ECE1: variants seen among roughly 807,000 people sequenced by gnomAD.
ECE1 encodes the protein endothelin converting enzyme 1, also known as endothelin-converting enzyme 1.
Under a neutral mutation model 98.6 loss-of-function variants are expected in ECE1, and 35 were observed. The ratio of observed to expected loss-of-function variants is 0.35; its 90% CI spans 0.27 to 0.47. The LOEUF (loss-of-function observed/expected upper bound fraction) is 0.47. ECE1 is among the 20% of genes least tolerant of loss of function. The pLI is 1.00. For missense variants in ECE1, 814 were observed against 1,025.3 expected, an observed-to-expected ratio of 0.79 and a Z score of 2.81; for synonymous variants, 394 against 407.1, an observed-to-expected ratio of 0.97 and a Z score of 0.39.
At position 21,258,097 on chromosome 1, in the gene ECE1, T is replaced by C. The variant is rs916819587; in HGVS notation, c.763-507A>G. ...TTCTGCTTGCTACTATTGGCACCCA[T>C]GGCCACATCTTGGCATACCTAGGAC... On this transcript the variant is annotated intron_variant, in intron 6 of 18. Transcript: ENST00000374893. This position sits in a 1 kb window ranked among gnomAD's most constrained non-coding sequence, Gnocchi z 4.2. Among the ~76,000 whole-genome samples, 3 of 152,206 alleles carry C rather than the reference T, an allele frequency of 2.0e-5. No homozygotes were observed. Among genetic ancestry groups the C allele is most frequent in the Non-Finnish European group, 2.9e-5 (2 of 68,048 alleles).
At position 21,225,135 on chromosome 1, in the gene ECE1, G is replaced by A. The variant is rs3026904; in HGVS notation, c.2040+115C>T. 8.5e-3 allele frequency: 11,883 copies of A among 1,395,558 alleles called. 66 individuals are homozygous for A. The highest frequency in any genetic ancestry group is 0.011 in the Non-Finnish European group (10,708 of 1,019,004). 86.4% of individuals were successfully genotyped at this position (1,395,558 alleles called of 1,614,324 possible). ...CCCCCAATTTCGCAGAAGAGGAAAC[G>A]GAAGCTCGCACGGCTGCTGCGCCTG... is the stretch of plus-strand genomic sequence containing the variant. On this transcript the variant is annotated intron_variant, in intron 17 of 18. Transcript: ENST00000374893. The surrounding 1 kb of genome is among the most constrained non-coding windows in gnomAD (Gnocchi z 5.3).
At position 21,233,312 on chromosome 1, in the gene ECE1, G is replaced by C; in HGVS notation, c.1670+246C>G. 1 of 478,052 alleles carries C rather than the reference G, an allele frequency of 2.1e-6. No homozygotes were observed. The highest frequency in any genetic ancestry group is 2.3e-5 in the South Asian group (1 of 43,728). The allele number at this position is 478,052 out of a possible 1,614,324, so 29.6% of individuals were successfully genotyped here. On this transcript the variant is annotated intron_variant, in intron 14 of 18. Transcript: ENST00000374893. The surrounding 1 kb of genome is among the most constrained non-coding windows in gnomAD (Gnocchi z 4.0). ...GGTGCCAGATCGGCTCCGCTCCAGAGGCCAGGCTCACCCTGCCAACAGGCT... is the reference window on the plus strand; with the variant it reads ...GGTGCCAGATCGGCTCCGCTCCAGACGCCAGGCTCACCCTGCCAACAGGCT...
intron 1 of ECE1, among the ~76,000 whole-genome samples, chr1:21,297,212 TG>T (rs1638379343): frequency 6.6e-6 from 1 of 152,182 alleles, no homozygotes; most frequent in African/African-American, 2.4e-5. Flanking sequence ...CCAGAGGCCC[TG>T]GGGGGCACCG....
At chr1:21,291,861 G>A (rs898907398), upstream of ECE1, among the ~76,000 whole-genome samples, 1 of 151,828 alleles carries the variant, frequency 6.6e-6, no homozygotes, top group African/African-American at 2.4e-5. Context: ...GCTGGGTTCA[G>A]TGGTTCACAC....
chr1:21,228,230 C>T (rs943340232), intron 14 of ECE1, among the ~76,000 whole-genome samples, 189 bp from the exon 15 acceptor site: 8 of 152,062 alleles, frequency 5.3e-5, no homozygotes, highest in South Asian at 2.1e-4. Flanking sequence ...GACAGGGTCT[C>T]GTTCTGTCGC....
At chr1:21,244,952 T>G in intron 10 of ECE1, 37 bp downstream of exon 10, 1 of 1,591,494 alleles carries the variant, frequency 6.3e-7, no homozygotes, top group East Asian at 2.2e-5. Flanking sequence ...AAGTAGGCGC[T>G]CAGCCCATAT....
In ECE1 at chr1:21,256,050, T is replaced by C; in HGVS notation, c.917A>G (p.Gln306Arg). ...CAGTGCCGTCTCAAAGTCCAAGATC[T>C]GCTGCATCTGGGGCCGGATGGCCTC... ...DEEAIRPQMQ[Q>R]ILDFETALAN... The change falls in exon 8 of 19, where the codon CAG becomes CGG. Residue 306 changes from glutamine to arginine, a missense_variant. Coordinates refer to ENST00000374893, the MANE Select transcript of ECE1 (RefSeq NM_001397.3). The C allele has an allele frequency of 6.2e-7, 1 of 1,612,730 alleles. No homozygotes were observed. The highest frequency in any genetic ancestry group is 8.5e-7 in the Non-Finnish European group (1 of 1,178,718).
intron 1 of ECE1, among the ~76,000 whole-genome samples, chr1:21,321,985 G>T (rs559853451): frequency 6.6e-6 from 1 of 152,126 alleles, no homozygotes; most frequent in African/African-American, 2.4e-5. Flanking sequence ...ATCTAAGACC[G>T]CTTGGAAGGG....
At chr1:21,281,438 C>A (rs1435860938) in intron 2 of ECE1, among the ~76,000 whole-genome samples, 2 of 152,198 alleles carry the variant, frequency 1.3e-5, no homozygotes, top group Non-Finnish European at 2.9e-5. Context: ...TGGTATGATG[C>A]TAACATGTAC....
At chr1:21,263,718 G>A (rs776132844) in intron 4 of ECE1, among the ~76,000 whole-genome samples, 2 of 151,944 alleles carry the variant, frequency 1.3e-5, no homozygotes, top group South Asian at 2.1e-4. Flanking sequence ...GGATGAGGGG[G>A]CCCCGCCAGG....
At chr1:21,330,727 A>T (rs1428229536) in intron 1 of ECE1, among the ~76,000 whole-genome samples, 1 of 152,116 alleles carries the variant, frequency 6.6e-6, no homozygotes, top group African/African-American at 2.4e-5. Context: ...TTCCTAGGCT[A>T]ATCCTTCTTC....
Position 21,235,935 on chromosome 1 carries a change from GGACA to G in ECE1, c.1489-12_1489-9del, listed in dbSNP as rs765017779. On this transcript the variant is annotated splice_polypyrimidine_tract_variant and intron_variant, in intron 12 of 18. Transcript: ENST00000374893. The surrounding 1 kb of genome is among the most constrained non-coding windows in gnomAD (Gnocchi z 4.2). ...GTTGTAGATGGCATCGGCCTGGACAGGACAGACAGAGGAAGTGAGTGCCCGGCAA... is the reference window on the plus strand; with the variant it reads ...GTTGTAGATGGCATCGGCCTGGACAGGACAGAGGAAGTGAGTGCCCGGCAA... 13 of 1,613,992 alleles carry G rather than the reference GGACA, an allele frequency of 8.1e-6. No homozygotes were observed. The African/African-American group carries it at 1.2e-4, about 15-fold the overall frequency.
intron 3 of ECE1, among the ~76,000 whole-genome samples, chr1:21,276,688 T>C (rs911398335): frequency 7.4e-5 from 11 of 149,468 alleles, no homozygotes; most frequent in Middle Eastern, 3.2e-3. Flanking sequence ...TGCTTTCTTT[T>C]TTTTTTTTTT....
rs1488224906 is a variant in ECE1 at position 21,235,441 on chromosome 1, A to G, written c.1566+409T>C. On this transcript the variant is annotated intron_variant, in intron 13 of 18. Coordinates refer to ENST00000374893, the MANE Select transcript of ECE1 (RefSeq NM_001397.3). This position sits in a 1 kb window ranked among gnomAD's most constrained non-coding sequence, Gnocchi z 4.2. Reference sequence around the variant, plus strand: ...GAGGTAACTGGAAGCACGACCAGGGAGGGAGGAGGTGGTGTGGGGGTTTTC... The same window carrying G: ...GAGGTAACTGGAAGCACGACCAGGGGGGGAGGAGGTGGTGTGGGGGTTTTC... Among the ~76,000 whole-genome samples, 1 of 151,916 alleles carries G rather than the reference A, an allele frequency of 6.6e-6. No homozygotes were observed. Among genetic ancestry groups the G allele is most frequent in the African/African-American group, 2.4e-5 (1 of 41,222 alleles).
At chr1:21,257,785 G>GCAC (rs796946185) in intron 6 of ECE1, among the ~76,000 whole-genome samples, 195 bp from the exon 7 acceptor site, 4 of 150,360 alleles carry the variant, frequency 2.7e-5, no homozygotes, top group Non-Finnish European at 5.9e-5. Flanking sequence ...TGTCCACGTG[G>GCAC]CCCCCCCCCG....
chr1:21,273,672 CA>C (rs2098243165), intron 3 of ECE1, among the ~76,000 whole-genome samples: 1 of 152,112 alleles, frequency 6.6e-6, no homozygotes, highest in African/African-American at 2.4e-5. Context: ...CTCAAAAACC[CA>C]AAGGCTACGC....
At chr1:21,306,670 G>A (rs113103248) in intron 1 of ECE1, among the ~76,000 whole-genome samples, 17 of 152,288 alleles carry the variant, frequency 1.1e-4, no homozygotes, top group African/African-American at 3.8e-4. Flanking sequence ...GAAAGCTGAG[G>A]CACAGAAAGG....
Position 21,319,020 on chromosome 1 carries a change from C to G in ECE1, c.3+26356G>C, listed in dbSNP as rs896636388. ...GTGGAGCTGGGTCTGTACAATCTCC[C>G]GGGCTCCGTTTTCTCATCAGCTAAG... On this transcript the variant is annotated intron_variant, in intron 1 of 18. Coordinates refer to the ECE1 transcript ENST00000415912. The surrounding 1 kb of genome is among the most constrained non-coding windows in gnomAD (Gnocchi z 4.4). 6.6e-6 allele frequency among the ~76,000 whole-genome samples: 1 copy of G among 152,192 alleles called. No homozygotes were observed. Among genetic ancestry groups the G allele is most frequent in the East Asian group, 1.9e-4 (1 of 5,200 alleles).
Position 21,319,376 on chromosome 1 carries a change from T to C in ECE1, c.3+26000A>G, listed in dbSNP as rs1558431204. 6.6e-6 allele frequency among the ~76,000 whole-genome samples: 1 copy of C among 151,948 alleles called. No homozygotes were observed. The highest frequency in any genetic ancestry group is 2.4e-5 in the African/African-American group (1 of 41,342). On this transcript the variant is annotated intron_variant, in intron 1 of 18. Transcript: ENST00000415912. The surrounding 1 kb of genome is among the most constrained non-coding windows in gnomAD (Gnocchi z 4.4). ...ATAATAATCATAATCATAATCATAATCATAATCATAAAGTGGACTACGCAG... is the reference window on the plus strand; with the variant it reads ...ATAATAATCATAATCATAATCATAACCATAATCATAAAGTGGACTACGCAG...
Sources: gnomAD v4.1 joint callset for allele counts (sites outside exome capture counted in the v4.1 genomes callset) on GRCh38, gnomAD v4.1.1 for gene constraint, Gnocchi (gnomAD v3.1) non-coding constraint, MANE v1.5 for transcripts, NCBI Gene and HGNC (gene_info 2026-07-23, HGNC 2026-07-21) for gene names.